Variants in CUL9 observed in about 807,000 individuals in gnomAD.
The protein encoded by CUL9 is cullin 9.
In CUL9, 79 loss-of-function variants were observed where a neutral mutation model predicts 272.6. The ratio of observed to expected loss-of-function variants is 0.29; its 90% CI spans 0.24 to 0.35. CUL9 has a LOEUF of 0.35. Among genes scored for constraint, CUL9 ranks in the 10% least tolerant of loss-of-function variants. CUL9 has a pLI of 1.00. For synonymous variants in CUL9, 1,186 were observed against 1,286.5 expected (o/e 0.92, Z 1.67); for missense variants, 2,532 against 3,255.6 (o/e 0.78, Z 5.41).
At position 43,223,532 on chromosome 6, in the gene CUL9, G is replaced by A; in HGVS notation, c.7284+135G>A. ...GCGGGTGAATGGATGTTAGACCTGG[G>A]CGCACATCCCGGCTTTTGGGCCAAC... is the stretch of plus-strand genomic sequence containing the variant. On this transcript the variant is annotated intron_variant, in intron 39 of 40. Transcript: ENST00000252050. This position sits in a 1 kb window ranked among gnomAD's most constrained non-coding sequence, Gnocchi z 4.1. 1 of 1,272,402 alleles carries A rather than the reference G, an allele frequency of 7.9e-7. No individual in the cohort carries two copies. Among genetic ancestry groups the A allele is most frequent in the Non-Finnish European group, 1.1e-6 (1 of 939,164 alleles). The allele number at this position is 1,272,402 out of a possible 1,614,324, so 78.8% of individuals were successfully genotyped here.
rs1279994272 is a variant in CUL9, at chr6:43,221,298, C to T, written c.6729C>T (p.Ile2243=). The T allele has an allele frequency of 8.1e-6, 13 of 1,607,078 alleles. No homozygotes were observed. In the East Asian group the frequency reaches 1.1e-4, roughly 14 times the overall value. Residue 2243 remains isoleucine, a synonymous_variant, in exon 34 of 41, where the codon ATC becomes ATT. Coordinates refer to ENST00000252050, the MANE Select transcript of CUL9 (RefSeq NM_015089.4). This position sits in a 1 kb window ranked among gnomAD's most constrained non-coding sequence, Gnocchi z 4.2. ...SKRCPSCQAP[I]EKNEGCLHMT... is the part of the protein sequence containing the mutation. ...GCTGTCCCAGCTGTCAGGCTCCCAT[C>T]GAGAAGAACGAGGGGTGCCTGCAGT...
rs566004367 is a variant in CUL9 at position 43,205,192 on chromosome 6, C to G, written c.4633-71C>G. 134 of 1,589,320 alleles carry G rather than the reference C, an allele frequency of 8.4e-5. No homozygotes were observed. In the South Asian group the frequency reaches 1.4e-3, roughly 17 times the overall value. ...CTCTTTCTGCTCTGCCCTTTCACCT[C>G]CTTTCGCTCCCCAGTCTCCTACTCC... On this transcript the variant is annotated intron_variant, in intron 23 of 40. Coordinates refer to ENST00000252050, the MANE Select transcript of CUL9 (RefSeq NM_015089.4).
Position 43,184,367 on chromosome 6 carries a change from G to T in CUL9, c.57G>T (p.Gln19His), listed in dbSNP as rs1453665216. 6.2e-7 allele frequency: 1 copy of T among 1,602,046 alleles called. No individual in the cohort carries two copies. The highest frequency in any genetic ancestry group is 1.3e-5 in the African/African-American group (1 of 74,690). ...DLMVPLGPRL[Q>H]AYPEELIRQR... The stretch of plus-strand genomic sequence containing the variant: ...TGGTGCCCTTAGGGCCTCGGCTGCA[G>T]GCATATCCTGAAGAACTCATTCGAC... The change falls in exon 2 of 41, where the codon CAG becomes CAT. Residue 19 changes from glutamine to histidine, a missense_variant. Physicochemically the swap from Gln to His is conservative, Grantham distance 24. Coordinates refer to ENST00000252050, the MANE Select transcript of CUL9 (RefSeq NM_015089.4). This position sits in a 1 kb window ranked among gnomAD's most constrained non-coding sequence, Gnocchi z 4.8.
rs767105866 is a variant in CUL9, at chr6:43,213,497, G to C, written c.5418G>C (p.Gln1806His). 32 of 1,613,796 alleles carry C rather than the reference G, an allele frequency of 2.0e-5. No individual in the cohort carries two copies. In the East Asian group the frequency reaches 6.5e-4, roughly 33 times the overall value. Residue 1806 changes from glutamine (Q) to histidine (H), a missense_variant, in exon 28 of 41, where the codon CAG becomes CAC. Coordinates refer to ENST00000252050, the MANE Select transcript of CUL9 (RefSeq NM_015089.4). The surrounding 1 kb of genome is among the most constrained non-coding windows in gnomAD (Gnocchi z 5.7). ...DSDLSPELLL[Q>H]ALVPLTSGNG... is the part of the protein sequence containing the mutation. ...ACCTCTCCCCAGAGCTGCTGCTCCA[G>C]GCACTCGTGCCCCTCACCTCAGGGA...
intron 11 of CUL9, among the ~76,000 whole-genome samples, chr6:43,197,316 G>A (rs1774089332): frequency 6.6e-6 from 1 of 151,912 alleles, no homozygotes; most frequent in African/African-American, 2.4e-5. Flanking sequence ...AAAGTGCTGG[G>A]ATTGCAGGTG....
intron 26 of CUL9, among the ~76,000 whole-genome samples, chr6:43,210,496 A>G (rs113814320): frequency 0.066 from 10,093 of 152,074 alleles, 425 homozygotes; most frequent in Admixed American, 0.094. Context: ...TATAGTTAAT[A>G]TTTTTTCTCC....
rs752572922 is a variant in CUL9 at position 43,187,950 on chromosome 6, G to T, written c.1819G>T (p.Glu607Ter). 3 of 1,614,072 alleles carry T rather than the reference G, an allele frequency of 1.9e-6. No individual in the cohort carries two copies. In the South Asian group the frequency reaches 3.3e-5, roughly 18 times the overall value. ...ESKSEASFSEEETESLKAKAE... is the reference protein window; with the variant it reads ...ESKSEASFSE ...CAAGTCGGAGGCCAGCTTCTCAGAG[G>T]AAGAGACTGAGTCCCTCAAAGCAAA... The change falls in exon 7 of 41, where the codon GAA becomes TAA. Residue 607 changes from glutamate (E) to a stop codon, truncating the protein, a stop_gained. Transcript: ENST00000252050. LOFTEE classifies it high-confidence loss of function.
intron 1 of CUL9, 21 bp downstream of exon 1, chr6:43,182,270 C>G (rs898991170): frequency 6.6e-6 from 1 of 152,354 alleles, no homozygotes; most frequent in East Asian, 1.9e-4. Context: ...AGTTCTGCGC[C>G]GACCCAATCC....
chr6:43,217,649 G>A (rs1011429558), intron 31 of CUL9, among the ~76,000 whole-genome samples: 8 of 152,334 alleles, frequency 5.3e-5, no homozygotes, highest in Admixed American at 2.0e-4. Context: ...ACGTGCATGC[G>A]TGTGTATTCT....
In CUL9 at chr6:43,222,635, T is replaced by G; in HGVS notation, c.7026T>G (p.Ala2342=). Residue 2342 remains alanine, a synonymous_variant, in exon 37 of 41, where the codon GCT becomes GCG. Coordinates refer to ENST00000252050, the MANE Select transcript of CUL9 (RefSeq NM_015089.4). ...LNDACQGLEQ[A]RKVLAYACVY... ...ATGCCTGCCAGGGACTGGAGCAGGCTCGGAAGGTGGTAGCGGGTGGGGGAA... is the reference window on the plus strand; with the variant it reads ...ATGCCTGCCAGGGACTGGAGCAGGCGCGGAAGGTGGTAGCGGGTGGGGGAA... 1.9e-6 allele frequency: 3 copies of G among 1,611,950 alleles called. No homozygotes were observed. The highest frequency in any genetic ancestry group is 2.5e-6 in the Non-Finnish European group (3 of 1,179,912).
Position 43,223,297 on chromosome 6 carries a change from C to A in CUL9, c.7184C>A (p.Ser2395Tyr). 1 of 1,599,574 alleles carries A rather than the reference C, an allele frequency of 6.3e-7. No individual in the cohort carries two copies. Among genetic ancestry groups the A allele is most frequent in the Non-Finnish European group, 8.5e-7 (1 of 1,173,222 alleles). Reference protein sequence around the residue: ...ETLLRCRDLASSLRLLRADCL... With the variant: ...ETLLRCRDLAYSLRLLRADCL... Reference sequence around the variant, plus strand: ...CTGCTGCGGTGCAGAGACCTGGCCTCCTCCCTGCGCCTCCTGCGGGCCGAC... The same window carrying A: ...CTGCTGCGGTGCAGAGACCTGGCCTACTCCCTGCGCCTCCTGCGGGCCGAC... The change falls in exon 39 of 41, where the codon TCC becomes TAC. Residue 2395 changes from serine (S) to tyrosine (Y), a missense_variant. By Grantham distance (144) the Ser-to-Tyr change is moderately radical. This residue lies in a region of CUL9 where 237 missense variants were observed against 305.9 expected (regional missense o/e 0.77). Coordinates refer to ENST00000252050, the MANE Select transcript of CUL9 (RefSeq NM_015089.4). This position sits in a 1 kb window ranked among gnomAD's most constrained non-coding sequence, Gnocchi z 4.1.
chr6:43,200,865 G>A lies in CUL9; in HGVS notation c.3647+31G>A, dbSNP rs201301503. ...AACACACATATATGAATGTTCTGCTGTGCCCCAGGATACTTCCCCAAAGCA... is the reference window on the plus strand; with the variant it reads ...AACACACATATATGAATGTTCTGCTATGCCCCAGGATACTTCCCCAAAGCA... On this transcript the variant is annotated intron_variant, in intron 16 of 40. Coordinates refer to ENST00000252050, the MANE Select transcript of CUL9 (RefSeq NM_015089.4). The surrounding 1 kb of genome is among the most constrained non-coding windows in gnomAD (Gnocchi z 4.0). The A allele has an allele frequency of 2.3e-4, 363 of 1,612,166 alleles. No homozygotes were observed. The highest frequency in any genetic ancestry group is 3.0e-4 in the Non-Finnish European group (348 of 1,178,492).
chr6:43,213,847 C>T lies in CUL9; in HGVS notation c.5623C>T (p.Leu1875Phe). Residue 1875 changes from leucine (L) to phenylalanine (F), a missense_variant, in exon 29 of 41, where the codon CTT becomes TTT. Leu to Phe is a conservative substitution (Grantham distance 22, BLOSUM62 0). Transcript: ENST00000252050. The surrounding 1 kb of genome is among the most constrained non-coding windows in gnomAD (Gnocchi z 5.7). ...LEQKRNLLSC[L>F]LVRILKAHGE... The stretch of plus-strand genomic sequence containing the variant: ...ACAGAAGAGGAATCTCTTGAGCTGT[C>T]TTCTTGTTCGTATTCTCAAAGCCCA... The T allele has an allele frequency of 9.9e-6, 16 of 1,614,208 alleles. No homozygotes were observed. The highest frequency in any genetic ancestry group is 1.4e-5 in the Non-Finnish European group (16 of 1,180,046).
intron 8 of CUL9, among the ~76,000 whole-genome samples, chr6:43,189,653 T>G (rs969044045): frequency 4.6e-5 from 7 of 151,804 alleles, no homozygotes; most frequent in Non-Finnish European, 8.8e-5. Flanking sequence ...AAGCAGTTCT[T>G]ATGTCTCAGC....
In CUL9 at chr6:43,222,321, C is replaced by T; in HGVS notation, c.6852C>T (p.Ser2284=). The T allele has an allele frequency of 6.2e-7, 1 of 1,614,022 alleles. No homozygotes were observed. Among genetic ancestry groups the T allele is most frequent in the South Asian group, 1.1e-5 (1 of 91,084 alleles). Residue 2284 remains serine (S), a synonymous_variant, in exon 36 of 41, where the codon AGC becomes AGT. Transcript: ENST00000252050. The part of the protein sequence containing the change: ...KDYYNCSAMV[S]KAARQEKRFQ... The stretch of plus-strand genomic sequence containing the variant: ...TCCCAACGTATCCTTGCTAGGTAAG[C>T]AAGGCAGCTCGCCAGGAGAAGCGGT...
At chr6:43,185,408 A>G in intron 2 of CUL9, 48 bp from the exon 3 acceptor site, 2 of 1,582,558 alleles carry the variant, frequency 1.3e-6, no homozygotes, top group Non-Finnish European at 1.7e-6. Context: ...AGGCAGGGAG[A>G]AAGTACTGGG....
chr6:43,220,787 C>A lies in CUL9; in HGVS notation c.6464C>A (p.Ser2155Tyr). ...CTGCGTGGCTATGTGGAGAGCTGCT[C>A]CAACCTGACCTGGTGCACCAACCCC... ...ALLRGYVESCSNLTWCTNPQG... is the reference protein window; with the variant it reads ...ALLRGYVESCYNLTWCTNPQG... Residue 2155 changes from serine to tyrosine, a missense_variant, in exon 33 of 41, where the codon TCC becomes TAC. This residue lies in a region of CUL9 where 2,218 missense variants were observed against 2,788.6 expected (regional missense o/e 0.80). Transcript: ENST00000252050. This position sits in a 1 kb window ranked among gnomAD's most constrained non-coding sequence, Gnocchi z 4.9. The A allele has an allele frequency of 6.2e-7, 1 of 1,613,380 alleles. No homozygotes were observed. The highest frequency in any genetic ancestry group is 8.5e-7 in the Non-Finnish European group (1 of 1,179,984).
intron 8 of CUL9, among the ~76,000 whole-genome samples, chr6:43,190,502 T>C (rs1164804170): frequency 6.6e-6 from 1 of 152,072 alleles, no homozygotes; most frequent in Non-Finnish European, 1.5e-5. Context: ...AGAAAATTAT[T>C]AAAATAAAAA....
Position 43,200,770 on chromosome 6 carries a change from G to T in CUL9, c.3583G>T (p.Glu1195Ter), listed in dbSNP as rs772395985. 1.2e-6 allele frequency: 2 copies of T among 1,614,174 alleles called. No individual in the cohort carries two copies. Among genetic ancestry groups the T allele is most frequent in the Non-Finnish European group, 1.7e-6 (2 of 1,180,032 alleles). Reference protein sequence around the residue: ...LTDHNPKTYWESNGSTGSHYI... With the variant: ...LTDHNPKTYW ...GGACCACAACCCCAAGACCTACTGG[G>T]AGTCCAACGGCAGCACCGGCTCCCA... The change falls in exon 16 of 41, where the codon GAG (glutamate) becomes TAG (stop). Residue 1195 changes from glutamate (E) to a stop codon, truncating the protein, a stop_gained. Coordinates refer to ENST00000252050, the MANE Select transcript of CUL9 (RefSeq NM_015089.4). LOFTEE classifies it high-confidence loss of function. The surrounding 1 kb of genome is among the most constrained non-coding windows in gnomAD (Gnocchi z 4.0).
Sources: gnomAD v4.1 joint callset for allele counts (sites outside exome capture counted in the v4.1 genomes callset) on GRCh38, gnomAD v4.1.1 for gene constraint, gnomAD v4.1.1 regional missense constraint, Gnocchi (gnomAD v3.1) non-coding constraint, MANE v1.5 for transcripts, NCBI Gene and HGNC (gene_info 2026-07-23, HGNC 2026-07-21) for gene names.